The following SH3BGRL2 variants were observed in gnomAD, a reference collection of about 807,000 sequenced individuals.
The protein encoded by SH3BGRL2 is SH3 domain-binding glutamic acid-rich-like protein 2.
Under a neutral mutation model 14.8 loss-of-function variants are expected in SH3BGRL2, and 21 were observed. The ratio of observed to expected loss-of-function variants is 1.42; its 90% CI spans 1.01 to 2.05. SH3BGRL2 has a LOEUF of 2.05. SH3BGRL2 is among the 30% of genes most tolerant of loss of function. The pLI, the probability that SH3BGRL2 is intolerant of heterozygous loss-of-function variation, is 0.00. For missense variants in SH3BGRL2, 147 were observed against 130.8 expected, an observed-to-expected ratio of 1.12 and a Z score of -0.61; for synonymous variants, 50 against 47.8, an observed-to-expected ratio of 1.05 and a Z score of -0.19.
chr6:79,561,875 T>C, the SH3BGRL2 span, among the ~76,000 whole-genome samples: 1 of 152,086 alleles, frequency 6.6e-6, no homozygotes, highest in African/African-American at 2.4e-5. Context: ...ATGGTTGAAA[T>C]TGGGGTACTG....
rs527737503 is a variant in SH3BGRL2, at chr6:79,682,028, A to G, written c.231+8229A>G. ...ACACACACACACTACACACACACAC[A>G]TATTTTAAGTGCCCACACACAAACA... is the stretch of plus-strand genomic sequence containing the variant. On this transcript the variant is annotated intron_variant, in intron 2 of 3. Transcript: ENST00000369838. Among the ~76,000 whole-genome samples the G allele has an allele frequency of 7.9e-5, 12 of 152,178 alleles. No individual in the cohort carries two copies. The South Asian group carries it at 2.3e-3, about 29-fold the overall frequency.
intron 2 of SH3BGRL2, among the ~76,000 whole-genome samples, chr6:79,680,816 T>C (rs1769974950): frequency 6.6e-6 from 1 of 152,232 alleles, no homozygotes. Flanking sequence ...TTTATTATTT[T>C]TGATGCTGTT....
chr6:79,671,274 C>G (rs1769768314), intron 1 of SH3BGRL2, among the ~76,000 whole-genome samples: 1 of 152,136 alleles, frequency 6.6e-6, no homozygotes, highest in Non-Finnish European at 1.5e-5. Flanking sequence ...CGAGTTCAGC[C>G]TGACCAACGT....
chr6:79,628,600 T>C (rs945918621), upstream of SH3BGRL2, among the ~76,000 whole-genome samples: 1 of 151,672 alleles, frequency 6.6e-6, no homozygotes, highest in African/African-American at 2.4e-5. Flanking sequence ...CTCTATCTTA[T>C]ATCCTAGATT....
At chr6:79,573,617 C>A in the SH3BGRL2 span, among the ~76,000 whole-genome samples, 24 of 152,112 alleles carry the variant, frequency 1.6e-4, no homozygotes, top group African/African-American at 5.5e-4. Flanking sequence ...GTATTTGTAT[C>A]CACATACATG....
At chr6:79,667,324 T>C in intron 1 of SH3BGRL2, among the ~76,000 whole-genome samples, 1 of 152,216 alleles carries the variant, frequency 6.6e-6, no homozygotes, top group South Asian at 2.1e-4. Flanking sequence ...TTGGCTGAAA[T>C]GCTGTGATTG....
chr6:79,546,142 A>G, the SH3BGRL2 span, among the ~76,000 whole-genome samples: 1 of 152,322 alleles, frequency 6.6e-6, no homozygotes, highest in Non-Finnish European at 1.5e-5. Context: ...CACCAAAATT[A>G]TTGGGACTAG....
At chr6:79,620,835 T>C in the SH3BGRL2 span, among the ~76,000 whole-genome samples, 1 of 152,234 alleles carries the variant, frequency 6.6e-6, no homozygotes, top group Admixed American at 6.5e-5. Context: ...AGCCATGTTT[T>C]CCAATTCTGT....
chr6:79,648,112 G>C (rs1424950743), intron 1 of SH3BGRL2, among the ~76,000 whole-genome samples: 2 of 150,926 alleles, frequency 1.3e-5, no homozygotes, highest in East Asian at 3.9e-4. Context: ...ATTAAATCTT[G>C]TGTGTTAGGT....
At chr6:79,692,669 A>C (rs956007800) in intron 2 of SH3BGRL2, among the ~76,000 whole-genome samples, 1 of 152,084 alleles carries the variant, frequency 6.6e-6, no homozygotes, top group Non-Finnish European at 1.5e-5. Context: ...ATGGTTGTAG[A>C]TATGTGGCAT....
the SH3BGRL2 span, among the ~76,000 whole-genome samples, chr6:79,606,923 CT>C: frequency 6.6e-6 from 1 of 151,856 alleles, no homozygotes; most frequent in Non-Finnish European, 1.5e-5. Flanking sequence ...TATTTTTCCC[CT>C]GGTTGTTTAA....
chr6:79,588,212 C>CGAGGCAGGAG, the SH3BGRL2 span, among the ~76,000 whole-genome samples: 1 of 150,244 alleles, frequency 6.7e-6, no homozygotes, highest in East Asian at 2.0e-4. Context: ...AGAATCACTT[C>CGAGGCAGGAG]AACCCAGGAG....
intron 1 of SH3BGRL2, among the ~76,000 whole-genome samples, chr6:79,633,163 T>G (rs1007420558): frequency 2.0e-5 from 3 of 152,168 alleles, no homozygotes; most frequent in Admixed American, 2.0e-4. Flanking sequence ...AAATTTAATG[T>G]TTTGTGTTTT....
chr6:79,588,304 A>AAC, the SH3BGRL2 span, among the ~76,000 whole-genome samples: 1 of 151,658 alleles, frequency 6.6e-6, no homozygotes, highest in Non-Finnish European at 1.5e-5. Flanking sequence ...AAAAAAAAAA[A>AAC]AAACTGGGCT....
At chr6:79,551,040 G>A in the SH3BGRL2 span, among the ~76,000 whole-genome samples, 3 of 152,088 alleles carry the variant, frequency 2.0e-5, no homozygotes, top group African/African-American at 7.2e-5. Flanking sequence ...TCTACTATGG[G>A]GAAAGCTAAA....
chr6:79,699,446 T>C, intron 3 of SH3BGRL2, 52 bp from the exon 4 acceptor site: 7 of 1,521,278 alleles, frequency 4.6e-6, no homozygotes, highest in Non-Finnish European at 6.1e-6. Flanking sequence ...TTCTTGTCGA[T>C]GTAATGCAAT....
At chr6:79,666,799 T>TA (rs1391657746) in intron 1 of SH3BGRL2, among the ~76,000 whole-genome samples, 1 of 152,192 alleles carries the variant, frequency 6.6e-6, no homozygotes, top group African/African-American at 2.4e-5. Context: ...TAATCAGCCT[T>TA]ACATCTACCC....
chr6:79,655,053 G>T (rs1009429123), intron 1 of SH3BGRL2, among the ~76,000 whole-genome samples: 6 of 152,090 alleles, frequency 3.9e-5, no homozygotes, highest in Non-Finnish European at 8.8e-5. Context: ...ACCTAACCTG[G>T]GTGTTTTTTT....
At chr6:79,582,469 G>A in the SH3BGRL2 span, among the ~76,000 whole-genome samples, 150,488 of 152,286 alleles carry the variant, frequency 0.99, 74,384 homozygotes, top group East Asian at 1. Context: ...CAGAGGCCTC[G>A]GAAATAACAC....
Sources: gnomAD v4.1 joint callset for allele counts (sites outside exome capture counted in the v4.1 genomes callset) on GRCh38, gnomAD v4.1.1 for gene constraint, MANE v1.5 for transcripts, NCBI Gene and HGNC (gene_info 2026-07-23, HGNC 2026-07-21) for gene names.